Variants in DSE observed in about 807,000 individuals in gnomAD.
DSE encodes dermatan sulfate epimerase, also known as dermatan-sulfate epimerase.
In DSE, 36 loss-of-function variants were observed where a neutral mutation model predicts 84.4. The observed-to-expected ratio is 0.43, with a 90% confidence interval of 0.33 to 0.56. The LOEUF (loss-of-function observed/expected upper bound fraction) is 0.56. Ranked by LOEUF, DSE falls within the 20% of genes least tolerant of loss-of-function variation. DSE has a pLI of 0.06. For synonymous variants in DSE, 410 were observed against 430.1 expected (o/e 0.95, Z 0.58); for missense variants, 862 against 1,169.6 (o/e 0.74, Z 3.84).
At chr6:116,282,174 TTTCTCTCTACAAGTGATGGAGCCTGTGA>T (rs1286760318) in intron 2 of DSE, among the ~76,000 whole-genome samples, 1 of 152,230 alleles carries the variant, frequency 6.6e-6, no homozygotes, top group Non-Finnish European at 1.5e-5. Flanking sequence ...ATATAATGCA[TTTCTCTCTACAAGTGATGGAGCCTGTGA>T]TGCATGGCTG....
chr6:116,290,633 GA>G (rs1281989296), intron 2 of DSE, among the ~76,000 whole-genome samples: 1 of 152,042 alleles, frequency 6.6e-6, no homozygotes, highest in Non-Finnish European at 1.5e-5. Flanking sequence ...AGCAATTATT[GA>G]AAATCAAGGT....
At chr6:116,328,919 G>A (rs1776787330) in intron 2 of DSE, among the ~76,000 whole-genome samples, 1 of 151,964 alleles carries the variant, frequency 6.6e-6, no homozygotes, top group Non-Finnish European at 1.5e-5. Context: ...GTAGAAAATT[G>A]AAAAGAAATA....
intron 4 of DSE, chr6:116,432,528 A>G (rs566273187): frequency 2.6e-5 from 4 of 152,306 alleles, no homozygotes; most frequent in African/African-American, 4.8e-5. Flanking sequence ...GAACAAAAAC[A>G]TTAGCTGTAA....
At chr6:116,407,435 T>C (rs569593946) in intron 2 of DSE, among the ~76,000 whole-genome samples, 6 of 152,340 alleles carry the variant, frequency 3.9e-5, no homozygotes, top group African/African-American at 1.4e-4. Flanking sequence ...CTGCCAACTG[T>C]ATGGACAGAT....
chr6:116,307,073 G>GT (rs1775391825), intron 2 of DSE, among the ~76,000 whole-genome samples: 1 of 152,200 alleles, frequency 6.6e-6, no homozygotes, highest in Non-Finnish European at 1.5e-5. Flanking sequence ...AAATATAGCA[G>GT]TTAGAACTCT....
At chr6:116,411,555 C>T (rs1475049426) in intron 2 of DSE, among the ~76,000 whole-genome samples, 1 of 152,044 alleles carries the variant, frequency 6.6e-6, no homozygotes, top group Non-Finnish European at 1.5e-5. Context: ...ACTTAGTGAG[C>T]AATTTTTAGT....
At chr6:116,416,582 TA>T (rs1162424034) in intron 2 of DSE, among the ~76,000 whole-genome samples, 2 of 152,132 alleles carry the variant, frequency 1.3e-5, no homozygotes, top group Non-Finnish European at 2.9e-5. Flanking sequence ...ATTAAATTTT[TA>T]TAAGATAAAT....
At chr6:116,321,462 T>C (rs1345515554) in intron 2 of DSE, among the ~76,000 whole-genome samples, 1 of 151,790 alleles carries the variant, frequency 6.6e-6, no homozygotes. Flanking sequence ...AAGCATGAGC[T>C]ACTGCACCCA....
chr6:116,421,809 A>G (rs183982337), intron 2 of DSE, among the ~76,000 whole-genome samples: 4 of 152,224 alleles, frequency 2.6e-5, no homozygotes, highest in African/African-American at 9.6e-5. Context: ...GTTGTTTTAC[A>G]TCTTTGCAAA....
chr6:116,371,331 G>T (rs552541469), intron 1 of DSE, among the ~76,000 whole-genome samples: 1 of 152,210 alleles, frequency 6.6e-6, no homozygotes, highest in African/African-American at 2.4e-5. Context: ...CCTGAGCCAC[G>T]GGCTTCCCCG....
intron 2 of DSE, chr6:116,412,633 A>G (rs1055582555): frequency 6.6e-6 from 1 of 152,150 alleles, no homozygotes; most frequent in Non-Finnish European, 1.5e-5. Context: ...CCCAGTACAG[A>G]CATAACTTTT....
chr6:116,346,971 C>T (rs142111255), intron 2 of DSE, among the ~76,000 whole-genome samples: 1 of 152,178 alleles, frequency 6.6e-6, no homozygotes, highest in African/African-American at 2.4e-5. Flanking sequence ...TCCTATACAC[C>T]AATAACAGAC....
At chr6:116,397,488 T>C (rs1010180689) in intron 1 of DSE, among the ~76,000 whole-genome samples, 1 of 152,192 alleles carries the variant, frequency 6.6e-6, no homozygotes, top group African/African-American at 2.4e-5. Context: ...ATTACAGGCA[T>C]GAGCCACCGT....
intron 2 of DSE, among the ~76,000 whole-genome samples, chr6:116,338,219 C>CTTTTTTTTTTTTT (rs893312210): frequency 9.9e-5 from 9 of 91,186 alleles, no homozygotes; most frequent in African/African-American, 1.4e-4. Flanking sequence ...TTTCTTCTTT[C>CTTTTTTTTTTTTT]TTTTTTTTTT....
intron 2 of DSE, among the ~76,000 whole-genome samples, chr6:116,333,025 C>T (rs749784195): frequency 6.6e-6 from 1 of 152,198 alleles, no homozygotes; most frequent in Non-Finnish European, 1.5e-5. Flanking sequence ...CTGATAATCT[C>T]AACTGTGGGA....
Position 116,442,081 on chromosome 6 carries a change from A to C in DSE, c.*4736A>C, listed in dbSNP as rs1784447217. 6.6e-6 allele frequency: 1 copy of C among 152,262 alleles called. No homozygotes were observed. The highest frequency in any genetic ancestry group is 1.5e-5 in the Non-Finnish European group (1 of 68,076). The allele number at this position is 152,262 out of a possible 1,614,324, so 9.4% of individuals were successfully genotyped here. On this transcript the variant is annotated 3_prime_UTR_variant, in exon 6 of 6. Coordinates refer to ENST00000644252, the MANE Select transcript of DSE (RefSeq NM_013352.4). ...CTGATGTGATTACTTATGATCAGAC[A>C]CTTGAAAGAAATAAGGGAATGAATC...
intron 5 of DSE, among the ~76,000 whole-genome samples, chr6:116,434,799 A>G (rs867874331): frequency 2.8e-4 from 42 of 152,334 alleles, no homozygotes; most frequent in African/African-American, 9.9e-4. Flanking sequence ...AGTCAATATC[A>G]AACACCAATA....
intron 2 of DSE, among the ~76,000 whole-genome samples, chr6:116,303,613 C>G (rs1216188929): frequency 6.6e-6 from 1 of 152,102 alleles, no homozygotes; most frequent in Non-Finnish European, 1.5e-5. Context: ...CTTCCCCCAA[C>G]AACTCAGGGC....
intron 2 of DSE, among the ~76,000 whole-genome samples, chr6:116,271,830 A>T (rs1378354429): frequency 1.3e-5 from 2 of 152,186 alleles, no homozygotes; most frequent in East Asian, 3.8e-4. Context: ...AAATCTATTT[A>T]TTGAGGTATA....
Sources: allele counts gnomAD v4.1 joint callset (sites outside exome capture counted in the v4.1 genomes callset), GRCh38; gene constraint gnomAD v4.1.1; transcripts MANE v1.5; gene names NCBI Gene and HGNC (gene_info 2026-07-23, HGNC 2026-07-21).